HCN1: variants seen among roughly 807,000 people sequenced by gnomAD.
The protein encoded by HCN1 is potassium/sodium hyperpolarization-activated cyclic nucleotide-gated channel 1.
In HCN1, 13 loss-of-function variants were observed where a neutral mutation model predicts 78.9. That is an observed-to-expected ratio of 0.16 (90% confidence interval 0.11 to 0.26). The LOEUF (loss-of-function observed/expected upper bound fraction) is 0.26. HCN1 is among the 10% of genes least tolerant of loss of function. The probability of loss-of-function intolerance (pLI) is 1.00; values close to 1 mark genes in which losing one functional copy is unlikely to be tolerated. For missense variants in HCN1, 810 were observed against 1,154.3 expected (o/e 0.70, Z 4.32); for synonymous variants, 552 against 455.5 (o/e 1.21, Z -2.70).
intron 2 of HCN1, among the ~76,000 whole-genome samples, chr5:45,614,740 G>A (rs948669041): frequency 6.6e-6 from 1 of 151,948 alleles, no homozygotes; most frequent in Non-Finnish European, 1.5e-5. Context: ...AGCTAAAGCA[G>A]CAAAATTTGA....
At chr5:45,513,575 C>T (rs559338853) in intron 2 of HCN1, among the ~76,000 whole-genome samples, 1 of 152,272 alleles carries the variant, frequency 6.6e-6, no homozygotes, top group Admixed American at 6.5e-5. Context: ...TGAGCAAGCA[C>T]CACCTGAGCT....
At chr5:45,384,668 CAGTG>C (rs975214853) in intron 4 of HCN1, among the ~76,000 whole-genome samples, 2 of 152,122 alleles carry the variant, frequency 1.3e-5, no homozygotes, top group African/African-American at 4.8e-5. Flanking sequence ...ATCTAGCTCT[CAGTG>C]AGGTCTTCCT....
At chr5:45,641,581 T>C (rs552002118) in intron 2 of HCN1, 31 of 152,306 alleles carry the variant, frequency 2.0e-4, no homozygotes, top group African/African-American at 6.5e-4. Context: ...ATTATAGTTA[T>C]ATATTCCAAA....
intron 5 of HCN1, among the ~76,000 whole-genome samples, chr5:45,305,011 C>T (rs1410836828): frequency 6.6e-6 from 1 of 152,086 alleles, no homozygotes; most frequent in Non-Finnish European, 1.5e-5. Context: ...TGCCACAAAG[C>T]CAATTCTCAG....
At chr5:45,372,526 A>C (rs1352135613) in intron 4 of HCN1, among the ~76,000 whole-genome samples, 2 of 129,116 alleles carry the variant, frequency 1.5e-5, no homozygotes, top group Non-Finnish European at 3.1e-5. Flanking sequence ...ATATAAAAAT[A>C]TATAAAACAT....
chr5:45,300,624 CCAACAGTAGGCTACTAT>C, intron 6 of HCN1, among the ~76,000 whole-genome samples: 1 of 152,148 alleles, frequency 6.6e-6, no homozygotes, highest in South Asian at 2.1e-4. Flanking sequence ...AGGCTTCCAG[CCAACAGTAGGCTACTAT>C]TGTCAAGATT....
chr5:45,350,496 T>C (rs938879494), intron 5 of HCN1, among the ~76,000 whole-genome samples: 7 of 151,984 alleles, frequency 4.6e-5, no homozygotes, highest in Admixed American at 4.6e-4. Context: ...ACCACTCCTA[T>C]TCAACATAGT....
At chr5:45,442,591 A>G (rs1740700259) in intron 3 of HCN1, among the ~76,000 whole-genome samples, 1 of 150,310 alleles carries the variant, frequency 6.7e-6, no homozygotes, top group Non-Finnish European at 1.5e-5. Flanking sequence ...ATATATATGT[A>G]AGGTAGTTAC....
chr5:45,262,487 C>T lies in HCN1; in HGVS notation c.2107G>A (p.Val703Ile). 1 of 1,613,030 alleles carries T rather than the reference C, an allele frequency of 6.2e-7. No homozygotes were observed. The highest frequency in any genetic ancestry group is 8.5e-7 in the Non-Finnish European group (1 of 1,179,852). The change falls in exon 8 of 8, where the codon GTC (valine) becomes ATC (isoleucine). Residue 703 changes from valine to isoleucine, a missense_variant. This residue lies in a region of HCN1 where 398 missense variants were observed against 381.3 expected (regional missense o/e 1.04). Coordinates refer to ENST00000303230, the MANE Select transcript of HCN1 (RefSeq NM_021072.4). ...GGGCTCTGTACAGGAGGGCTGCAGACCGCGGTGGTGTAGGAGCAGGGTGAC... is the reference window on the plus strand; with the variant it reads ...GGGCTCTGTACAGGAGGGCTGCAGATCGCGGTGGTGTAGGAGCAGGGTGAC... ...ILSPCSYTTA[V>I]CSPPVQSPLA...
intron 2 of HCN1, among the ~76,000 whole-genome samples, chr5:45,563,215 C>A (rs954818316): frequency 3.3e-5 from 5 of 151,888 alleles, no homozygotes; most frequent in Non-Finnish European, 4.4e-5. Context: ...TTTGGGAGGC[C>A]GAGGTGGGTG....
chr5:45,671,393 A>G (rs1369392749), intron 1 of HCN1, among the ~76,000 whole-genome samples: 6 of 151,330 alleles, frequency 4.0e-5, no homozygotes, highest in Non-Finnish European at 1.5e-5. Flanking sequence ...ATATTATTAA[A>G]GTACTATATA....
chr5:45,638,615 T>C (rs1382723768), intron 2 of HCN1, among the ~76,000 whole-genome samples: 1 of 152,122 alleles, frequency 6.6e-6, no homozygotes, highest in Admixed American at 6.6e-5. Context: ...TTTTTAGTTG[T>C]CTTGGGGCTG....
intron 1 of HCN1, among the ~76,000 whole-genome samples, chr5:45,647,561 A>T (rs1279785793): frequency 6.6e-6 from 1 of 152,078 alleles, no homozygotes; most frequent in Non-Finnish European, 1.5e-5. Context: ...CCATGCCTTT[A>T]ATAATTAATT....
chr5:45,658,701 C>G (rs1323578606), intron 1 of HCN1, among the ~76,000 whole-genome samples: 1 of 151,630 alleles, frequency 6.6e-6, no homozygotes, highest in Non-Finnish European at 1.5e-5. Flanking sequence ...AGGGACGCAC[C>G]TGGAAAATCG....
At chr5:45,663,679 T>C (rs1460487154) in intron 1 of HCN1, among the ~76,000 whole-genome samples, 3 of 151,812 alleles carry the variant, frequency 2.0e-5, no homozygotes, top group African/African-American at 7.3e-5. Flanking sequence ...AGAGAAGACA[T>C]TTATGCAGCC....
At chr5:45,542,051 T>G (rs1743116330) in intron 2 of HCN1, among the ~76,000 whole-genome samples, 1 of 152,156 alleles carries the variant, frequency 6.6e-6, no homozygotes, top group Non-Finnish European at 1.5e-5. Flanking sequence ...TTAATATATT[T>G]TTCTATAATT....
chr5:45,288,075 T>G (rs1381046693), intron 6 of HCN1, among the ~76,000 whole-genome samples: 1 of 152,080 alleles, frequency 6.6e-6, no homozygotes, highest in South Asian at 2.1e-4. Flanking sequence ...CAAGGTCAAA[T>G]AGCATCTCAG....
chr5:45,693,162 C>G (rs1335760891), intron 1 of HCN1, among the ~76,000 whole-genome samples: 5 of 152,080 alleles, frequency 3.3e-5, no homozygotes, highest in Non-Finnish European at 4.4e-5. Flanking sequence ...AAAAAACTAC[C>G]GCTAGAATTT....
intron 4 of HCN1, among the ~76,000 whole-genome samples, chr5:45,377,207 C>A (rs1458836294): frequency 6.6e-6 from 1 of 151,776 alleles, no homozygotes. Context: ...ACTGCTCAAA[C>A]AAAAATGGAC....
Sources: gnomAD v4.1 joint callset for allele counts (sites outside exome capture counted in the v4.1 genomes callset) on GRCh38, gnomAD v4.1.1 for gene constraint, gnomAD v4.1.1 regional missense constraint, MANE v1.5 for transcripts, NCBI Gene and HGNC (gene_info 2026-07-23, HGNC 2026-07-21) for gene names.